FHIT: variants seen among roughly 807,000 people sequenced by gnomAD.
FHIT encodes fragile histidine triad diadenosine triphosphatase, also known as bis(5'-adenosyl)-triphosphatase.
FHIT carries 19 observed loss-of-function variants against 17.9 expected under a neutral mutation model. That is an observed-to-expected ratio of 1.06 (90% CI 0.74 to 1.56). FHIT has a LOEUF of 1.56. FHIT is among the 40% of genes most tolerant of loss of function. FHIT has a pLI of 0.00. For synonymous variants in FHIT, 81 were observed against 69.7 expected, an observed-to-expected ratio of 1.16 and a Z score of -0.81; for missense variants, 248 against 189.2, an observed-to-expected ratio of 1.31 and a Z score of -1.82.
chr3:60,099,301 G>A (rs563368194), intron 5 of FHIT, among the ~76,000 whole-genome samples: 1 of 152,138 alleles, frequency 6.6e-6, no homozygotes, highest in Non-Finnish European at 1.5e-5. Flanking sequence ...AATGGGATGG[G>A]CTCAAACGAT....
intron 5 of FHIT, among the ~76,000 whole-genome samples, chr3:60,232,873 A>G (rs574401625): frequency 6.6e-6 from 1 of 152,300 alleles, no homozygotes; most frequent in African/African-American, 2.4e-5. Flanking sequence ...ACAACTCCAA[A>G]TGAGACTGGA....
intron 8 of FHIT, among the ~76,000 whole-genome samples, chr3:59,854,243 A>G (rs1702059866): frequency 6.6e-6 from 1 of 152,186 alleles, no homozygotes; most frequent in Non-Finnish European, 1.5e-5. Context: ...CTGATGCTTT[A>G]AAGGGTCCCT....
intron 5 of FHIT, among the ~76,000 whole-genome samples, chr3:60,020,722 T>C (rs1396357744): frequency 6.6e-6 from 1 of 152,192 alleles, no homozygotes; most frequent in Non-Finnish European, 1.5e-5. Flanking sequence ...ATGTTTAAAA[T>C]AATTCTTAAT....
At chr3:60,455,340 T>G (rs557631118) in intron 5 of FHIT, among the ~76,000 whole-genome samples, 19 of 152,250 alleles carry the variant, frequency 1.2e-4, no homozygotes, top group Non-Finnish European at 2.2e-4. Context: ...TTTGAGGTCT[T>G]TTCCCTCCAT....
chr3:61,052,180 G>A (rs1026022617), intron 2 of FHIT, among the ~76,000 whole-genome samples: 2 of 152,048 alleles, frequency 1.3e-5, no homozygotes. Flanking sequence ...ATTTTATTAC[G>A]CACCAAGTAC....
At chr3:60,888,791 T>C (rs1358198517) in intron 3 of FHIT, among the ~76,000 whole-genome samples, 1 of 152,238 alleles carries the variant, frequency 6.6e-6, no homozygotes, top group African/African-American at 2.4e-5. Flanking sequence ...TAACTTTTTA[T>C]TTTGAGATAA....
intron 8 of FHIT, among the ~76,000 whole-genome samples, chr3:59,783,275 C>T (rs950553045): frequency 6.6e-6 from 1 of 152,174 alleles, no homozygotes; most frequent in Admixed American, 6.5e-5. Context: ...TCGAGACCAT[C>T]CTGGCCAACA....
chr3:60,032,121 C>G (rs1701027030), intron 5 of FHIT, among the ~76,000 whole-genome samples: 1 of 152,134 alleles, frequency 6.6e-6, no homozygotes, highest in Non-Finnish European at 1.5e-5. Context: ...ATGCATAATT[C>G]ACTGTATCAC....
At chr3:59,886,688 A>G (rs923016350) in intron 8 of FHIT, among the ~76,000 whole-genome samples, 9 of 152,252 alleles carry the variant, frequency 5.9e-5, no homozygotes, top group Middle Eastern at 3.4e-3. Context: ...TCTATTCATG[A>G]TGGATCTACC....
At chr3:59,986,731 A>AATATATTTATAT (rs1708960568) in intron 7 of FHIT, among the ~76,000 whole-genome samples, 2 of 6,096 alleles carry the variant, frequency 3.3e-4, no homozygotes, top group Non-Finnish European at 7.8e-4. Flanking sequence ...TATTTATATA[A>AATATATTTATAT]ATATATACAT....
At chr3:59,930,659 A>T (rs1452614116) in intron 7 of FHIT, among the ~76,000 whole-genome samples, 1 of 152,204 alleles carries the variant, frequency 6.6e-6, no homozygotes, top group Non-Finnish European at 1.5e-5. Flanking sequence ...TCATTTGCAA[A>T]AAGAATTTAT....
chr3:60,457,809 G>T (rs550350447), intron 5 of FHIT, among the ~76,000 whole-genome samples: 28 of 151,860 alleles, frequency 1.8e-4, no homozygotes, highest in Middle Eastern at 3.4e-3. Context: ...AGACATTTAT[G>T]CAGCCAAAAG....
At chr3:60,702,346 T>C (rs1276440289) in intron 4 of FHIT, among the ~76,000 whole-genome samples, 2 of 152,174 alleles carry the variant, frequency 1.3e-5, no homozygotes, top group Non-Finnish European at 2.9e-5. Flanking sequence ...TGATAAATTA[T>C]ATTAACATAT....
intron 4 of FHIT, among the ~76,000 whole-genome samples, chr3:60,764,089 G>A (rs1339147576): frequency 1.1e-4 from 16 of 152,210 alleles, no homozygotes; most frequent in African/African-American, 4.8e-5. Context: ...GTGGTACGAC[G>A]GGGATTGGAA....
chr3:60,737,438 A>C (rs903218399), intron 4 of FHIT, among the ~76,000 whole-genome samples: 4 of 152,254 alleles, frequency 2.6e-5, no homozygotes, highest in African/African-American at 9.6e-5. Flanking sequence ...GCCACTGTTC[A>C]AATTCCGTTT....
intron 3 of FHIT, among the ~76,000 whole-genome samples, chr3:60,908,291 T>A (rs893945651): frequency 6.6e-6 from 1 of 151,938 alleles, no homozygotes; most frequent in Admixed American, 6.6e-5. Context: ...AAATAGAGAA[T>A]ATAAAGAAAG....
chr3:60,865,340 C>T (rs951629267), intron 3 of FHIT, among the ~76,000 whole-genome samples: 1 of 152,096 alleles, frequency 6.6e-6, no homozygotes, highest in Non-Finnish European at 1.5e-5. Flanking sequence ...ATTTCAAGTC[C>T]TCAACAGCCA....
At chr3:60,315,079 C>A (rs907821205) in intron 5 of FHIT, among the ~76,000 whole-genome samples, 1 of 152,016 alleles carries the variant, frequency 6.6e-6, no homozygotes, top group Non-Finnish European at 1.5e-5. Flanking sequence ...ATGAGGAAGC[C>A]CAAGACAGCA....
intron 5 of FHIT, among the ~76,000 whole-genome samples, chr3:60,208,758 G>A (rs1703314824): frequency 6.6e-6 from 1 of 152,164 alleles, no homozygotes; most frequent in Non-Finnish European, 1.5e-5. Context: ...TAATCACCAG[G>A]ACAGGCAATC....
Sources: allele counts gnomAD v4.1 joint callset (sites outside exome capture counted in the v4.1 genomes callset), GRCh38; gene constraint gnomAD v4.1.1; transcripts MANE v1.5; gene names NCBI Gene and HGNC (gene_info 2026-07-23, HGNC 2026-07-21).